Variants in USP46 observed in about 807,000 individuals in gnomAD.
The protein encoded by USP46 is ubiquitin specific peptidase 46.
In USP46, 12 loss-of-function variants were observed where a neutral mutation model predicts 44.4. The ratio of observed to expected loss-of-function variants is 0.27; its 90% CI spans 0.17 to 0.44. The LOEUF (loss-of-function observed/expected upper bound fraction) is 0.44. USP46 is among the 20% of genes least tolerant of loss of function. The pLI, the probability that USP46 is intolerant of heterozygous loss-of-function variation, is 1.00. For missense variants in USP46, 248 were observed against 444.8 expected (o/e 0.56, Z 3.98); for synonymous variants, 155 against 161.5 (o/e 0.96, Z 0.31).
chr4:52,626,355 G>A (rs73248669), intron 3 of USP46, 108 bp from the exon 4 acceptor site: 98,710 of 912,998 alleles, frequency 0.11, 5,426 homozygotes, highest in African/African-American at 0.16. Flanking sequence ...ATGGAGTCTC[G>A]CTGTGTCGCC....
At chr4:52,598,873 CAG>C (rs1458138008) in intron 7 of USP46, among the ~76,000 whole-genome samples, 167 bp from the exon 8 acceptor site, 3 of 152,178 alleles carry the variant, frequency 2.0e-5, no homozygotes, top group Non-Finnish European at 4.4e-5. Flanking sequence ...ATGCTGGACA[CAG>C]GGGAATACAA....
chr4:52,659,286 G>T lies in USP46; in HGVS notation c.-136C>A. On this transcript the variant is annotated 5_prime_UTR_variant, in exon 1 of 9. Coordinates refer to ENST00000441222, the MANE Select transcript of USP46 (RefSeq NM_022832.4). The surrounding 1 kb of genome is among the most constrained non-coding windows in gnomAD (Gnocchi z 4.2). ...TCCGGCTTTCAGTTTGGCTGGGAGAGGGAGGCCGGGAGGAGGAGGCGGCGG... is the reference window on the plus strand; with the variant it reads ...TCCGGCTTTCAGTTTGGCTGGGAGATGGAGGCCGGGAGGAGGAGGCGGCGG... 1.2e-6 allele frequency: 1 copy of T among 851,992 alleles called. No homozygotes were observed. The highest frequency in any genetic ancestry group is 1.7e-6 in the Non-Finnish European group (1 of 602,196). The allele number at this position is 851,992 out of a possible 1,614,324, so 52.8% of individuals were successfully genotyped here.
At chr4:52,632,295 G>T (rs1717859805) in intron 1 of USP46, among the ~76,000 whole-genome samples, 2 of 152,284 alleles carry the variant, frequency 1.3e-5, no homozygotes, top group Admixed American at 1.3e-4. Flanking sequence ...ACTGGCAAAT[G>T]ATTATCAGCA....
chr4:52,648,928 A>C (rs1175232194), intron 1 of USP46, among the ~76,000 whole-genome samples: 4 of 152,204 alleles, frequency 2.6e-5, no homozygotes, highest in East Asian at 1.9e-4. Context: ...AAAGTATCTG[A>C]CTTGGGAACC....
At chr4:52,656,368 A>C in intron 1 of USP46, 1 of 1,547,578 alleles carries the variant, frequency 6.5e-7, no homozygotes, top group East Asian at 2.5e-5. Context: ...ATCCAGTGAA[A>C]AGACAGCAGT....
At chr4:52,613,831 G>A (rs1717026034) in intron 4 of USP46, among the ~76,000 whole-genome samples, 1 of 151,894 alleles carries the variant, frequency 6.6e-6, no homozygotes, top group South Asian at 2.1e-4. Context: ...TGTGACAAAT[G>A]TCTTACCTAA....
chr4:52,628,493 C>A (rs1293315856), intron 2 of USP46: 2 of 222,246 alleles, frequency 9.0e-6, no homozygotes, highest in Non-Finnish European at 1.8e-5. Context: ...GGAAAAAAAT[C>A]TACATACTGT....
rs1716051053 is a variant in USP46 at position 52,592,339 on chromosome 4, T to A, written c.*5301A>T. ...TCAGAAAAAGTCTACATGGGCTATC[T>A]TTAGTACTAACCCCACAACCAAAAT... On this transcript the variant is annotated 3_prime_UTR_variant, in exon 9 of 9. Transcript: ENST00000441222. 3 of 152,208 alleles carry A rather than the reference T, an allele frequency of 2.0e-5. No individual in the cohort carries two copies. Among genetic ancestry groups the A allele is most frequent in the African/African-American group, 7.2e-5 (3 of 41,454 alleles). 9.4% of individuals were successfully genotyped at this position (152,208 alleles called of 1,614,324 possible). A position where few individuals can be genotyped will look rare whatever the true frequency, so the allele number is the denominator to read the frequency against.
rs185262641 is a variant in USP46 at position 52,611,957 on chromosome 4, C to T, written c.562-1340G>A. Among the ~76,000 whole-genome samples, 15 of 152,244 alleles carry T rather than the reference C, an allele frequency of 9.9e-5. No individual in the cohort carries two copies. The East Asian group carries it at 2.1e-3, about 22-fold the overall frequency. On this transcript the variant is annotated intron_variant, in intron 4 of 8. Transcript: ENST00000441222. ...ATGGTTATTGCCCAGATCCGTATCC[C>T]GTCTCTGCCGTTTATATAAAGTCGA...
At chr4:52,652,629 T>G (rs1718807245) in intron 1 of USP46, among the ~76,000 whole-genome samples, 1 of 151,910 alleles carries the variant, frequency 6.6e-6, no homozygotes, top group Non-Finnish European at 1.5e-5. Flanking sequence ...AAAAGCAAAC[T>G]GAGAGGAATG....
intron 1 of USP46, chr4:52,656,147 T>C (rs1369725657): frequency 1.4e-6 from 1 of 732,554 alleles, no homozygotes; most frequent in Non-Finnish European, 2.3e-6. Context: ...CAAAATATGT[T>C]AAACGATGTG....
chr4:52,627,369 C>A (rs1717635239), intron 3 of USP46, among the ~76,000 whole-genome samples: 1 of 152,130 alleles, frequency 6.6e-6, no homozygotes, highest in Non-Finnish European at 1.5e-5. Flanking sequence ...ACTGCCAATA[C>A]AAAACTTCTG....
At chr4:52,647,108 T>G (rs1335184449) in intron 1 of USP46, among the ~76,000 whole-genome samples, 1 of 152,152 alleles carries the variant, frequency 6.6e-6, no homozygotes, top group Non-Finnish European at 1.5e-5. Flanking sequence ...CCTGGTTCAG[T>G]GAATTCAGTA....
At chr4:52,619,739 T>C (rs1268848606) in intron 4 of USP46, among the ~76,000 whole-genome samples, 1 of 152,198 alleles carries the variant, frequency 6.6e-6, no homozygotes, top group Non-Finnish European at 1.5e-5. Context: ...ATTGATTCCC[T>C]GCCTCTGGAC....
At chr4:52,649,010 T>C (rs1305577950) in intron 1 of USP46, among the ~76,000 whole-genome samples, 4 of 152,220 alleles carry the variant, frequency 2.6e-5, no homozygotes, top group African/African-American at 7.2e-5. Context: ...GGCCTCTCTC[T>C]ACCCGTGTCT....
chr4:52,644,059 T>C (rs1718448524), intron 1 of USP46, among the ~76,000 whole-genome samples: 2 of 152,216 alleles, frequency 1.3e-5, no homozygotes, highest in Non-Finnish European at 2.9e-5. Context: ...TGGCTACGAA[T>C]GCCTGACCTG....
At chr4:52,615,364 G>C (rs59521497) in intron 4 of USP46, among the ~76,000 whole-genome samples, 1 of 152,236 alleles carries the variant, frequency 6.6e-6, no homozygotes, top group South Asian at 2.1e-4. Flanking sequence ...AAGAGTTAGC[G>C]TAAGTTTGTA....
At chr4:52,602,835 C>T (rs1716530644) in intron 6 of USP46, among the ~76,000 whole-genome samples, 1 of 151,132 alleles carries the variant, frequency 6.6e-6, no homozygotes, top group African/African-American at 2.5e-5. Flanking sequence ...TTGCACTTCC[C>T]AAACTTATAT....
chr4:52,625,548 C>A (rs1045696431), intron 4 of USP46, among the ~76,000 whole-genome samples: 3 of 152,174 alleles, frequency 2.0e-5, no homozygotes, highest in Non-Finnish European at 2.9e-5. Flanking sequence ...ACCCTCAAAA[C>A]AGTGCTGTAA....
Sources: gnomAD v4.1 joint callset for allele counts (sites outside exome capture counted in the v4.1 genomes callset) on GRCh38, gnomAD v4.1.1 for gene constraint, Gnocchi (gnomAD v3.1) non-coding constraint, MANE v1.5 for transcripts, NCBI Gene and HGNC (gene_info 2026-07-23, HGNC 2026-07-21) for gene names.